Variants in C12orf42 observed in about 807,000 individuals in gnomAD.
C12orf42 encodes the protein uncharacterized protein C12orf42.
A neutral mutation model predicts 21.6 loss-of-function variants in C12orf42; 25 were observed. The observed-to-expected ratio is 1.16, with a 90% CI of 0.84 to 1.62. The LOEUF (loss-of-function observed/expected upper bound fraction) is 1.62. Among genes scored for constraint, C12orf42 ranks in the 40% most tolerant of loss-of-function variants. The pLI is 0.00. For synonymous variants in C12orf42, 174 were observed against 175.0 expected (o/e 0.99, Z 0.05); for missense variants, 483 against 459.3 (o/e 1.05, Z -0.47).
chr12:103,544,121 C>T, the C12orf42 span, among the ~76,000 whole-genome samples: 1 of 151,972 alleles, frequency 6.6e-6, no homozygotes, highest in African/African-American at 2.4e-5. Flanking sequence ...AAGTTGGTCT[C>T]AATCACCCAC....
chr12:103,386,809 T>C (rs1472289131), intron 3 of C12orf42, among the ~76,000 whole-genome samples: 1 of 152,200 alleles, frequency 6.6e-6, no homozygotes, highest in African/African-American at 2.4e-5. Context: ...GTGCTAGACC[T>C]GGGAGGGCAT....
chr12:103,168,151 G>A, the C12orf42 span: 1 of 451,566 alleles, frequency 2.2e-6, no homozygotes, highest in South Asian at 1.6e-5. Flanking sequence ...AAGACCCAGG[G>A]CATATCATCT....
At chr12:103,097,748 C>T in the C12orf42 span, among the ~76,000 whole-genome samples, 1 of 152,198 alleles carries the variant, frequency 6.6e-6, no homozygotes, top group East Asian at 1.9e-4. Context: ...TGATTTGTGA[C>T]AGAGGCACCC....
At chr12:103,324,360 TAC>T (rs1398960912) in intron 4 of C12orf42, among the ~76,000 whole-genome samples, 1 of 152,142 alleles carries the variant, frequency 6.6e-6, no homozygotes, top group Non-Finnish European at 1.5e-5. Flanking sequence ...TAATTAAAAT[TAC>T]AGATATTAAT....
At chr12:103,180,795 A>C in the C12orf42 span, among the ~76,000 whole-genome samples, 1 of 150,718 alleles carries the variant, frequency 6.6e-6, no homozygotes, top group Admixed American at 6.6e-5. Flanking sequence ...CACCCGGCTA[A>C]TTTTGTATTT....
chr12:103,133,223 C>G, the C12orf42 span, among the ~76,000 whole-genome samples: 2 of 152,148 alleles, frequency 1.3e-5, no homozygotes. Context: ...CTGGCCTGCT[C>G]AACCCATCAC....
chr12:103,195,364 T>C, the C12orf42 span, among the ~76,000 whole-genome samples: 1 of 152,156 alleles, frequency 6.6e-6, no homozygotes, highest in African/African-American at 2.4e-5. Context: ...TTTGAGGAAT[T>C]GTCAAACTGC....
chr12:103,154,025 CAAAAAAAAAAA>C, the C12orf42 span, among the ~76,000 whole-genome samples: 5 of 51,676 alleles, frequency 9.7e-5, no homozygotes, highest in South Asian at 9.6e-4. Flanking sequence ...CAAATCTCAG[CAAAAAAAAAAA>C]AAAAAAAAAA....
chr12:103,484,219 T>G (rs1247812449), intron 1 of C12orf42, among the ~76,000 whole-genome samples: 1 of 152,228 alleles, frequency 6.6e-6, no homozygotes, highest in Non-Finnish European at 1.5e-5. Context: ...TAGTTTTAGA[T>G]CCTTGAGGAA....
At chr12:103,304,101 G>C (rs1460148040) in intron 5 of C12orf42, among the ~76,000 whole-genome samples, 2 of 152,188 alleles carry the variant, frequency 1.3e-5, no homozygotes, top group Non-Finnish European at 2.9e-5. Flanking sequence ...GAACAGTGTG[G>C]TATAATGAAG....
the C12orf42 span, among the ~76,000 whole-genome samples, chr12:103,078,197 C>T: frequency 3.9e-5 from 6 of 152,110 alleles, no homozygotes; most frequent in Non-Finnish European, 8.8e-5. Context: ...AGGAACTTTG[C>T]ATATGTTGAC....
intron 4 of C12orf42, among the ~76,000 whole-genome samples, chr12:103,366,775 T>A (rs961850253): frequency 5.9e-5 from 9 of 151,886 alleles, no homozygotes; most frequent in Non-Finnish European, 1.0e-4. Context: ...CTTACTCCCA[T>A]AAGAATGGCC....
At chr12:103,288,427 G>C (rs2036604300) in intron 4 of C12orf42, among the ~76,000 whole-genome samples, 1 of 152,160 alleles carries the variant, frequency 6.6e-6, no homozygotes, top group African/African-American at 2.4e-5. Context: ...ATTGATCATA[G>C]AGTTTACAAG....
chr12:103,382,132 T>C (rs540474718), intron 3 of C12orf42, among the ~76,000 whole-genome samples: 4 of 152,206 alleles, frequency 2.6e-5, no homozygotes, highest in Non-Finnish European at 5.9e-5. Context: ...CATTGGTTAT[T>C]GTACTAGCAA....
the C12orf42 span, among the ~76,000 whole-genome samples, chr12:103,213,506 C>G: frequency 6.6e-6 from 1 of 152,274 alleles, no homozygotes; most frequent in East Asian, 1.9e-4. Flanking sequence ...GCATGCATAT[C>G]TAAAGCATAA....
chr12:103,424,613 C>G (rs564506716), intron 2 of C12orf42, among the ~76,000 whole-genome samples: 3 of 152,302 alleles, frequency 2.0e-5, no homozygotes, highest in Admixed American at 6.5e-5. Context: ...TTGTGAGGGA[C>G]TGTGCCATGA....
At chr12:103,279,587 T>C (rs940944381) in intron 4 of C12orf42, among the ~76,000 whole-genome samples, 1 of 152,218 alleles carries the variant, frequency 6.6e-6, no homozygotes, top group Non-Finnish European at 1.5e-5. Flanking sequence ...TCACTGTTCC[T>C]GTCAGAAATC....
chr12:103,303,028 T>C (rs1029352618), intron 5 of C12orf42, among the ~76,000 whole-genome samples: 1 of 152,186 alleles, frequency 6.6e-6, no homozygotes, highest in Non-Finnish European at 1.5e-5. Flanking sequence ...TTTTTTTAAA[T>C]ACAGGAGGCT....
intron 10 of C12orf42, among the ~76,000 whole-genome samples, chr12:103,249,594 T>C (rs1378578063): frequency 6.6e-6 from 1 of 152,090 alleles, no homozygotes; most frequent in Non-Finnish European, 1.5e-5. Flanking sequence ...ATTCTTACAC[T>C]ATCCCATATC....
Sources: allele counts gnomAD v4.1 joint callset (sites outside exome capture counted in the v4.1 genomes callset), GRCh38; gene constraint gnomAD v4.1.1; transcripts MANE v1.5; gene names NCBI Gene and HGNC (gene_info 2026-07-23, HGNC 2026-07-21).